The following FAM117A variants were observed in gnomAD, a reference collection of about 807,000 sequenced individuals.
The protein encoded by FAM117A is family with sequence similarity 117 member A, also known as protein FAM117A.
A neutral mutation model predicts 44.1 loss-of-function variants in FAM117A; 21 were observed. That is an observed-to-expected ratio of 0.48 (90% CI 0.34 to 0.69). The LOEUF is 0.69. FAM117A is among the 30% of genes least tolerant of loss of function. The probability of loss-of-function intolerance (pLI) is 0.01; values close to 1 mark genes in which losing one functional copy is unlikely to be tolerated. For synonymous variants in FAM117A, 220 were observed against 238.3 expected, an observed-to-expected ratio of 0.92 and a Z score of 0.71; for missense variants, 498 against 589.9, an observed-to-expected ratio of 0.84 and a Z score of 1.61.
intron 1 of FAM117A, among the ~76,000 whole-genome samples, chr17:49,747,495 G>C (rs1329958451): frequency 6.6e-6 from 1 of 152,184 alleles, no homozygotes; most frequent in Non-Finnish European, 1.5e-5. Context: ...AAGTTCCTCA[G>C]GGCTAGAAAG....
chr17:49,722,372 G>T, intron 3 of FAM117A, 127 bp downstream of exon 3: 1 of 765,368 alleles, frequency 1.3e-6, no homozygotes, highest in Non-Finnish European at 2.1e-6. Flanking sequence ...CATCTCATCA[G>T]GAAAAGGCCA....
chr17:49,720,312 G>A lies in FAM117A; in HGVS notation c.573+14C>T. 1 of 1,600,326 alleles carries A rather than the reference G, an allele frequency of 6.2e-7. No homozygotes were observed. The highest frequency in any genetic ancestry group is 8.6e-7 in the Non-Finnish European group (1 of 1,168,380). On this transcript the variant is annotated intron_variant, in intron 4 of 7. Coordinates refer to ENST00000240364, the MANE Select transcript of FAM117A (RefSeq NM_030802.4). ...AGGAGAACAGAGGGGAGAGGGCTGGGGGAGAAAACATACCCTCAGTGCTCC... is the reference window on the plus strand; with the variant it reads ...AGGAGAACAGAGGGGAGAGGGCTGGAGGAGAAAACATACCCTCAGTGCTCC...
chr17:49,749,575 CAAAAAAAAAAA>C (rs1167215497), intron 1 of FAM117A, among the ~76,000 whole-genome samples: 3 of 45,878 alleles, frequency 6.5e-5, no homozygotes, highest in African/African-American at 2.1e-4. Context: ...GACTCCGTCT[CAAAAAAAAAAA>C]AAAAAAAAAA....
intron 1 of FAM117A, among the ~76,000 whole-genome samples, chr17:49,758,991 T>A (rs2073711400): frequency 6.6e-6 from 1 of 152,250 alleles, no homozygotes; most frequent in African/African-American, 2.4e-5. Flanking sequence ...CTCTTGGCTA[T>A]TAAAGCCCAC....
chr17:49,785,381 G>A (rs2057349507), intron 1 of FAM117A, among the ~76,000 whole-genome samples: 1 of 152,172 alleles, frequency 6.6e-6, no homozygotes, highest in South Asian at 2.1e-4. Context: ...GCATGGTGGT[G>A]TGTACCTGTA....
At chr17:49,724,251 T>C (rs2073548809) in intron 2 of FAM117A, 1 of 433,942 alleles carries the variant, frequency 2.3e-6, no homozygotes, top group Non-Finnish European at 4.6e-6. Flanking sequence ...TAAAGATGAC[T>C]ACCTCTGCTA....
In FAM117A at chr17:49,743,653, C is replaced by T. The variant is rs577989078; in HGVS notation, c.197-10933G>A. Reference sequence around the variant, plus strand: ...CTGAGGCAGGAGAATGGCATGAACCCGGGAGGTGGAGCTTGCAGTGAGCCG... The same window carrying T: ...CTGAGGCAGGAGAATGGCATGAACCTGGGAGGTGGAGCTTGCAGTGAGCCG... On this transcript the variant is annotated intron_variant, in intron 1 of 7. Coordinates refer to ENST00000240364, the MANE Select transcript of FAM117A (RefSeq NM_030802.4). Among the ~76,000 whole-genome samples the T allele has an allele frequency of 4.6e-5, 7 of 152,008 alleles. No individual in the cohort carries two copies. The South Asian group carries it at 1.5e-3, about 32-fold the overall frequency.
intron 1 of FAM117A, among the ~76,000 whole-genome samples, chr17:49,755,510 A>G (rs543315586): frequency 7.2e-5 from 11 of 152,330 alleles, no homozygotes; most frequent in Admixed American, 3.3e-4. Context: ...TAACAAAATC[A>G]TAACAAAATC....
intron 1 of FAM117A, among the ~76,000 whole-genome samples, chr17:49,774,599 C>T (rs760454958): frequency 2.6e-5 from 4 of 152,138 alleles, no homozygotes; most frequent in Non-Finnish European, 5.9e-5. Flanking sequence ...ACCTCGTGAT[C>T]TGCCCGCCTC....
At chr17:49,786,603 A>G (rs1948106213) in intron 1 of FAM117A, among the ~76,000 whole-genome samples, 1 of 151,824 alleles carries the variant, frequency 6.6e-6, no homozygotes, top group South Asian at 2.1e-4. Context: ...ATGGAGAAAC[A>G]CTGTCTCTAC....
Position 49,733,797 on chromosome 17 carries a change from A to G in FAM117A, c.197-1077T>C, listed in dbSNP as rs537310403. Among the ~76,000 whole-genome samples, 205 of 152,224 alleles carry G rather than the reference A, an allele frequency of 1.3e-3. 1 individual carries two copies. Among genetic ancestry groups the G allele is most frequent in the Middle Eastern group, 6.8e-3 (2 of 294 alleles). ...GTACTGGAATCATTTGGAAGTTGCA[A>G]TCATCTAAGTTGACCCTGTTTTCCA... On this transcript the variant is annotated intron_variant, in intron 1 of 7. Coordinates refer to ENST00000240364, the MANE Select transcript of FAM117A (RefSeq NM_030802.4).
intron 1 of FAM117A, among the ~76,000 whole-genome samples, chr17:49,782,587 G>A (rs903196018): frequency 4.6e-5 from 7 of 151,286 alleles, no homozygotes; most frequent in Admixed American, 2.0e-4. Flanking sequence ...CTACTTGGGA[G>A]GCTGAGGCAG....
upstream of FAM117A, chr17:49,788,862 AGAG>A (rs750759460): frequency 1.3e-6 from 2 of 1,584,708 alleles, no homozygotes; most frequent in Non-Finnish European, 1.7e-6. Flanking sequence ...GAGAAACGGG[AGAG>A]GAGGGATGGC....
chr17:49,731,888 C>T lies in FAM117A; in HGVS notation c.366+663G>A, dbSNP rs190578168. On this transcript the variant is annotated intron_variant, in intron 2 of 7. Coordinates refer to ENST00000240364, the MANE Select transcript of FAM117A (RefSeq NM_030802.4). ...GCAACCTCTCCCTCCAAGGTTCAAG[C>T]GATTCTCCCGCCTCAGCCTCCCAAG... is the stretch of plus-strand genomic sequence containing the variant. Among the ~76,000 whole-genome samples, 27 of 152,222 alleles carry T rather than the reference C, an allele frequency of 1.8e-4. 1 individual carries two copies. The East Asian group carries it at 5.0e-3, about 28-fold the overall frequency.
intron 2 of FAM117A, among the ~76,000 whole-genome samples, chr17:49,724,823 A>G (rs1255766853): frequency 1.4e-5 from 2 of 139,482 alleles, no homozygotes; most frequent in Non-Finnish European, 3.1e-5. Flanking sequence ...CAGTCTCAAG[A>G]AAAAAAAAAA....
chr17:49,721,828 G>A (rs1477990859), intron 3 of FAM117A, among the ~76,000 whole-genome samples: 2 of 152,094 alleles, frequency 1.3e-5, no homozygotes, highest in Non-Finnish European at 2.9e-5. Context: ...GGTGGCTCAC[G>A]CCTGTAATCC....
At chr17:49,764,140 A>C (rs527882090), upstream of FAM117A, 12 of 856,070 alleles carry the variant, frequency 1.4e-5, no homozygotes, top group African/African-American at 5.6e-5. Context: ...ACAGCCCCCC[A>C]ACCCCCGAGG....
intron 7 of FAM117A, 116 bp from the exon 8 acceptor site, chr17:49,711,671 A>T: frequency 1.0e-6 from 1 of 1,001,522 alleles, no homozygotes; most frequent in East Asian, 2.5e-5. Flanking sequence ...TCTCTGTTCA[A>T]ACAGAATTGG....
chr17:49,743,796 C>T (rs573162201), intron 1 of FAM117A, among the ~76,000 whole-genome samples: 4 of 150,700 alleles, frequency 2.7e-5, no homozygotes, highest in South Asian at 2.1e-4. Context: ...CATGGTGGCA[C>T]GACATGCCTG....
Sources: allele counts gnomAD v4.1 joint callset (sites outside exome capture counted in the v4.1 genomes callset), GRCh38; gene constraint gnomAD v4.1.1; transcripts MANE v1.5; gene names NCBI Gene and HGNC (gene_info 2026-07-23, HGNC 2026-07-21).